NDST3: variants seen among roughly 807,000 people sequenced by gnomAD.
NDST3 encodes the protein N-deacetylase and N-sulfotransferase 3.
In NDST3, 58 loss-of-function variants were observed where a neutral mutation model predicts 96.1. The observed-to-expected ratio is 0.60, with a 90% confidence interval of 0.49 to 0.75. The LOEUF (loss-of-function observed/expected upper bound fraction) is 0.75, where lower values mean the gene tolerates loss of function less well. Among genes scored for constraint, NDST3 ranks in the 30% least tolerant of loss-of-function variants. The pLI is 0.00. For missense variants in NDST3, 788 were observed against 1,034.2 expected, an observed-to-expected ratio of 0.76 and a Z score of 3.27; for synonymous variants, 333 against 359.7, an observed-to-expected ratio of 0.93 and a Z score of 0.84.
rs1730931657 is a variant in NDST3 at position 118,114,794 on chromosome 4, C to T, written c.1070-12C>T. ...AACTGGAATTAATTGGATAATATTT[C>T]CCCCCCTAAAGGAACTGAAGAGGAA... On this transcript the variant is annotated splice_polypyrimidine_tract_variant and intron_variant, in intron 3 of 13. Transcript: ENST00000296499. The T allele has an allele frequency of 6.8e-7, 1 of 1,467,724 alleles. No homozygotes were observed. Among genetic ancestry groups the T allele is most frequent in the African/African-American group, 2.5e-5 (1 of 40,192 alleles). 90.9% of individuals were successfully genotyped at this position (1,467,724 alleles called of 1,614,324 possible).
At chr4:118,163,994 T>C (rs771782171) in intron 6 of NDST3, among the ~76,000 whole-genome samples, 17 of 152,140 alleles carry the variant, frequency 1.1e-4, no homozygotes, top group East Asian at 1.9e-4. Flanking sequence ...ATCCCATTAC[T>C]AGATACATAC....
At chr4:118,063,375 C>T (rs6852565) in intron 2 of NDST3, among the ~76,000 whole-genome samples, 35,387 of 151,828 alleles carry the variant, frequency 0.23, 4,414 homozygotes, top group African/African-American at 0.3. Context: ...AAATTATGCA[C>T]ATTTACTTTG....
intron 2 of NDST3, among the ~76,000 whole-genome samples, chr4:118,102,874 T>C (rs141682508): frequency 1.4e-4 from 21 of 152,262 alleles, no homozygotes; most frequent in African/African-American, 4.8e-4. Flanking sequence ...GCATAATTAG[T>C]ATCTGCCATC....
intron 4 of NDST3, among the ~76,000 whole-genome samples, chr4:118,136,893 A>G (rs1733146882): frequency 6.6e-6 from 1 of 152,168 alleles, no homozygotes; most frequent in Admixed American, 6.5e-5. Flanking sequence ...GTAGGTTGGG[A>G]CCAAATTTTG....
chr4:118,093,098 C>A (rs958295962), intron 2 of NDST3, among the ~76,000 whole-genome samples: 15 of 151,698 alleles, frequency 9.9e-5, no homozygotes, highest in African/African-American at 3.4e-4. Context: ...AAGGGCTGTG[C>A]GCTGGAACTG....
chr4:118,185,445 T>C, intron 6 of NDST3, among the ~76,000 whole-genome samples: 1 of 150,132 alleles, frequency 6.7e-6, no homozygotes, highest in East Asian at 1.9e-4. Flanking sequence ...TCTAATAATA[T>C]GTATATTATA....
chr4:118,162,522 G>C (rs1735235111), intron 6 of NDST3, among the ~76,000 whole-genome samples: 1 of 151,820 alleles, frequency 6.6e-6, no homozygotes, highest in Non-Finnish European at 1.5e-5. Flanking sequence ...TTTAATAAAT[G>C]GTGCTGGGAA....
At chr4:118,195,411 T>C (rs1388994363) in intron 6 of NDST3, among the ~76,000 whole-genome samples, 1 of 152,222 alleles carries the variant, frequency 6.6e-6, no homozygotes. Context: ...GGAGTTCCCC[T>C]GTACAAGCTC....
At chr4:118,227,240 C>CTTT (rs1560731106) in intron 8 of NDST3, among the ~76,000 whole-genome samples, 21,956 of 144,954 alleles carry the variant, frequency 0.15, 1,803 homozygotes, top group South Asian at 0.23. Flanking sequence ...TTTTTTTTTC[C>CTTT]CCCCCAAATG....
At chr4:118,122,564 C>A (rs1055394708) in intron 4 of NDST3, among the ~76,000 whole-genome samples, 2 of 152,180 alleles carry the variant, frequency 1.3e-5, no homozygotes, top group Admixed American at 1.3e-4. Context: ...ATTTTCAGCC[C>A]ACACCTAGAT....
intron 4 of NDST3, among the ~76,000 whole-genome samples, chr4:118,117,557 A>T (rs1418582461): frequency 6.6e-6 from 1 of 152,214 alleles, no homozygotes; most frequent in Admixed American, 6.5e-5. Flanking sequence ...AGATATAATA[A>T]GAAAAGATCA....
intron 11 of NDST3, 40 bp downstream of exon 11, chr4:118,240,734 T>C (rs142775156): frequency 1.3e-6 from 2 of 1,557,576 alleles, no homozygotes; most frequent in African/African-American, 1.4e-5. Flanking sequence ...TAGAATCTCA[T>C]TAAGTTGATG....
At chr4:118,131,064 T>C (rs1732569933) in intron 4 of NDST3, among the ~76,000 whole-genome samples, 2 of 152,228 alleles carry the variant, frequency 1.3e-5, no homozygotes, top group Admixed American at 1.3e-4. Flanking sequence ...TTTGAGTTAA[T>C]CTGCTTGGTG....
At chr4:118,205,406 T>C (rs1578812084) in intron 6 of NDST3, among the ~76,000 whole-genome samples, 1 of 144,924 alleles carries the variant, frequency 6.9e-6, no homozygotes, top group Non-Finnish European at 1.5e-5. Context: ...TCTTCCTATA[T>C]ACAGTAAACC....
chr4:118,115,642 G>A lies in NDST3; in HGVS notation c.1224+682G>A, dbSNP rs541369036. ...CTGAAGGGTTTATATTCAGGACAGG[G>A]AAATTTATAGTAAAAGTTTAAATAA... On this transcript the variant is annotated intron_variant, in intron 4 of 13. Transcript: ENST00000296499. 2.6e-5 allele frequency among the ~76,000 whole-genome samples: 4 copies of A among 152,274 alleles called. No individual in the cohort carries two copies. In the East Asian group the frequency reaches 7.7e-4, roughly 29 times the overall value.
At chr4:118,136,289 A>G (rs1223361074) in intron 4 of NDST3, among the ~76,000 whole-genome samples, 2 of 152,238 alleles carry the variant, frequency 1.3e-5, no homozygotes. Flanking sequence ...AACAACCACC[A>G]GAAATAATAA....
chr4:118,178,230 A>T (rs1736392077), intron 6 of NDST3, among the ~76,000 whole-genome samples: 1 of 152,026 alleles, frequency 6.6e-6, no homozygotes, highest in Non-Finnish European at 1.5e-5. Flanking sequence ...TTTTAAGTAC[A>T]GAACTCAGTA....
intron 3 of NDST3, among the ~76,000 whole-genome samples, chr4:118,110,365 T>G (rs2125858504): frequency 6.6e-6 from 1 of 152,332 alleles, no homozygotes; most frequent in South Asian, 2.1e-4. Flanking sequence ...GAGTTAGAAC[T>G]CAGAATTTCA....
intron 5 of NDST3, among the ~76,000 whole-genome samples, chr4:118,138,683 C>T (rs1006483369): frequency 2.0e-5 from 3 of 152,152 alleles, no homozygotes; most frequent in Non-Finnish European, 2.9e-5. Flanking sequence ...CCAGAAGCCA[C>T]ATGTGAAGCC....
Sources: allele counts gnomAD v4.1 joint callset (sites outside exome capture counted in the v4.1 genomes callset), GRCh38; gene constraint gnomAD v4.1.1; transcripts MANE v1.5; gene names NCBI Gene and HGNC (gene_info 2026-07-23, HGNC 2026-07-21).